The following ESRRB variants were observed in gnomAD, a reference collection of about 807,000 sequenced individuals.
The protein encoded by ESRRB is steroid hormone receptor ERR2.
In ESRRB, 16 loss-of-function variants were observed where a neutral mutation model predicts 46.0. The observed-to-expected ratio is 0.35, with a 90% CI of 0.24 to 0.53. ESRRB has a LOEUF of 0.53. ESRRB is among the 20% of genes least tolerant of loss of function. The probability of loss-of-function intolerance (pLI) is 0.93; values close to 1 mark genes in which losing one functional copy is unlikely to be tolerated. For synonymous variants in ESRRB, 246 were observed against 259.6 expected (o/e 0.95, Z 0.50); for missense variants, 488 against 607.4 (o/e 0.80, Z 2.07).
intron 1 of ESRRB, among the ~76,000 whole-genome samples, chr14:76,337,496 G>T (rs1463657573): frequency 6.6e-6 from 1 of 152,118 alleles, no homozygotes; most frequent in East Asian, 1.9e-4. Context: ...ACCTTGTATG[G>T]TGCTGTAGGT....
At chr14:76,435,264 G>A (rs936631298) in intron 1 of ESRRB, among the ~76,000 whole-genome samples, 3 of 152,232 alleles carry the variant, frequency 2.0e-5, no homozygotes, top group Admixed American at 2.0e-4. Context: ...CATATAGTGT[G>A]AAAATATGAA....
chr14:76,446,245 A>G (rs193225340), intron 2 of ESRRB, among the ~76,000 whole-genome samples: 213 of 152,306 alleles, frequency 1.4e-3, no homozygotes, highest in Middle Eastern at 6.8e-3. Flanking sequence ...CACTACATTG[A>G]ACTAGGCAGA....
At chr14:76,382,346 C>T (rs1885050541) in intron 1 of ESRRB, among the ~76,000 whole-genome samples, 1 of 152,222 alleles carries the variant, frequency 6.6e-6, no homozygotes, top group African/African-American at 2.4e-5. Context: ...GCAAAGGGGA[C>T]TGCAGGGGCA....
chr14:76,410,885 G>C (rs2139861805), intron 1 of ESRRB, among the ~76,000 whole-genome samples: 1 of 152,116 alleles, frequency 6.6e-6, no homozygotes, highest in Middle Eastern at 3.4e-3. Context: ...CTGGGTTCAA[G>C]TGATTCTTGT....
chr14:76,424,240 G>T (rs971842029), intron 1 of ESRRB, among the ~76,000 whole-genome samples: 2 of 152,146 alleles, frequency 1.3e-5, no homozygotes, highest in African/African-American at 4.8e-5. Flanking sequence ...ATCAGAACAG[G>T]GTTCTCAGCT....
At chr14:76,489,445 CCACA>C (rs56091857) in intron 5 of ESRRB, among the ~76,000 whole-genome samples, 18 of 129,676 alleles carry the variant, frequency 1.4e-4, no homozygotes, top group Middle Eastern at 4.1e-3. Flanking sequence ...ATCTGGACAA[CCACA>C]CACACACACA....
intron 1 of ESRRB, among the ~76,000 whole-genome samples, chr14:76,317,543 A>C (rs1883816740): frequency 6.6e-6 from 1 of 152,140 alleles, no homozygotes; most frequent in Non-Finnish European, 1.5e-5. Flanking sequence ...GGGCCTCCTC[A>C]TAGATTTTCT....
At chr14:76,366,773 A>G (rs933330378), upstream of ESRRB, among the ~76,000 whole-genome samples, 4 of 152,200 alleles carry the variant, frequency 2.6e-5, no homozygotes, top group African/African-American at 9.6e-5. Flanking sequence ...AGATGACACC[A>G]TTAACCTGAA....
At chr14:76,467,281 A>G (rs1371099455) in intron 3 of ESRRB, among the ~76,000 whole-genome samples, 2 of 151,640 alleles carry the variant, frequency 1.3e-5, no homozygotes, top group African/African-American at 4.8e-5. Flanking sequence ...TGGGCAGATC[A>G]CCTGAGGTCA....
chr14:76,395,069 C>T (rs1194126830), intron 1 of ESRRB, among the ~76,000 whole-genome samples: 1 of 152,076 alleles, frequency 6.6e-6, no homozygotes, highest in Non-Finnish European at 1.5e-5. Flanking sequence ...CTCTTCTTTG[C>T]CCTTGGTGAC....
rs1264278251 is a variant in ESRRB at position 76,458,459 on chromosome 14, CACACACACACAAACACACACACAT to C, written c.461-4085_461-4062del. 2.5e-3 allele frequency among the ~76,000 whole-genome samples: 202 copies of C among 82,328 alleles called. 1 individual carries two copies. Among genetic ancestry groups the C allele is most frequent in the African/African-American group, 8.9e-3 (170 of 19,170 alleles). The allele number at this position is 82,328 out of a possible 152,430, so 54.0% of individuals were successfully genotyped here. ...ACACACACACACACACACACACACACACACACACACAAACACACACACATGCATGCAGGCCAACCCCTAAAGGGT... is the reference window on the plus strand; with the variant it reads ...ACACACACACACACACACACACACACGCATGCAGGCCAACCCCTAAAGGGT... On this transcript the variant is annotated intron_variant, in intron 2 of 6. Coordinates refer to ENST00000644823, the MANE Select transcript of ESRRB (RefSeq NM_001379180.1).
chr14:76,471,016 TC>T (rs2140009405), intron 3 of ESRRB, among the ~76,000 whole-genome samples: 1 of 152,332 alleles, frequency 6.6e-6, no homozygotes, highest in South Asian at 2.1e-4. Context: ...GCCACTTGTG[TC>T]CTTTATGAGA....
intron 1 of ESRRB, among the ~76,000 whole-genome samples, chr14:76,377,054 G>T (rs1476814939): frequency 6.6e-6 from 1 of 152,224 alleles, no homozygotes; most frequent in Non-Finnish European, 1.5e-5. Flanking sequence ...CGGGCCCAGC[G>T]CTGCGTCGTA....
At chr14:76,379,977 AG>A (rs754197122) in intron 1 of ESRRB, among the ~76,000 whole-genome samples, 6 of 151,832 alleles carry the variant, frequency 4.0e-5, no homozygotes, top group Non-Finnish European at 8.8e-5. Context: ...GGAGGGGCAG[AG>A]GGGACTTTCG....
chr14:76,475,978 C>T (rs914650578), intron 3 of ESRRB, among the ~76,000 whole-genome samples: 14 of 152,144 alleles, frequency 9.2e-5, no homozygotes, highest in African/African-American at 3.4e-4. Flanking sequence ...TAAAAAACTA[C>T]AGTACAATAT....
At chr14:76,362,345 G>C (rs1884474900) in intron 1 of ESRRB, among the ~76,000 whole-genome samples, 1 of 152,182 alleles carries the variant, frequency 6.6e-6, no homozygotes, top group Non-Finnish European at 1.5e-5. Context: ...TCCAAAGCCA[G>C]TGCTCTTATT....
intron 1 of ESRRB, among the ~76,000 whole-genome samples, chr14:76,334,154 C>T (rs1884097697): frequency 6.6e-6 from 1 of 152,206 alleles, no homozygotes; most frequent in Admixed American, 6.5e-5. Flanking sequence ...GAAGGACGAA[C>T]AGTCCAGGCA....
chr14:76,379,265 G>A (rs113136886), intron 1 of ESRRB, among the ~76,000 whole-genome samples: 2 of 152,134 alleles, frequency 1.3e-5, no homozygotes, highest in African/African-American at 4.8e-5. Flanking sequence ...CAGCGTGCTC[G>A]CCTGTGTGTG....
chr14:76,490,796 C>T (rs937148171), intron 5 of ESRRB, among the ~76,000 whole-genome samples: 7 of 152,152 alleles, frequency 4.6e-5, no homozygotes, highest in African/African-American at 9.7e-5. Context: ...AGTTATGGCC[C>T]GGGAAGAGGG....
Sources: allele counts gnomAD v4.1 joint callset (sites outside exome capture counted in the v4.1 genomes callset), GRCh38; gene constraint gnomAD v4.1.1; transcripts MANE v1.5; gene names NCBI Gene and HGNC (gene_info 2026-07-23, HGNC 2026-07-21).